Variants in PDE10A observed in about 807,000 individuals in gnomAD.
PDE10A encodes the protein phosphodiesterase 10A, also known as cAMP and cAMP-inhibited cGMP 3',5'-cyclic phosphodiesterase 10A.
Under a neutral mutation model 97.7 loss-of-function variants are expected in PDE10A, and 39 were observed. The ratio of observed to expected loss-of-function variants is 0.40; its 90% CI spans 0.31 to 0.52. PDE10A has a LOEUF of 0.52. Ranked by LOEUF, PDE10A falls within the 20% of genes least tolerant of loss-of-function variation. The pLI is 0.56. For missense variants in PDE10A, 731 were observed against 1,047.8 expected (o/e 0.70, Z 4.17); for synonymous variants, 371 against 376.8 (o/e 0.98, Z 0.18).
At position 165,798,048 on chromosome 6, in the gene PDE10A, G is replaced by A. The variant is rs142991312; in HGVS notation, c.-615+189481C>T. On this transcript the variant is annotated intron_variant, in intron 1 of 19. Transcript: ENST00000366882. ...TTTGTTTTCATTCAATTGAAGAAAT[G>A]TTTATTGAAGGGCTGCAGTGCGCTA... Among the ~76,000 whole-genome samples, 54 of 152,286 alleles carry A rather than the reference G, an allele frequency of 3.5e-4. No individual in the cohort carries two copies. In the East Asian group the frequency reaches 0.01, roughly 28 times the overall value.
At chr6:165,778,360 G>A (rs1425015527) in intron 1 of PDE10A, among the ~76,000 whole-genome samples, 4 of 152,118 alleles carry the variant, frequency 2.6e-5, no homozygotes, top group Admixed American at 2.0e-4. Flanking sequence ...GTGAGCCACC[G>A]CGCCTGGCCT....
At chr6:165,738,982 G>A (rs1260913356) in intron 1 of PDE10A, among the ~76,000 whole-genome samples, 1 of 152,296 alleles carries the variant, frequency 6.6e-6, no homozygotes, top group East Asian at 1.9e-4. Flanking sequence ...ATTGATAAAA[G>A]AAATGGGAGA....
chr6:165,799,438 A>T (rs1778920917), intron 1 of PDE10A, among the ~76,000 whole-genome samples: 1 of 147,058 alleles, frequency 6.8e-6, no homozygotes, highest in Non-Finnish European at 1.5e-5. Flanking sequence ...CCCCTCACCT[A>T]AAAAGCAAGT....
intron 1 of PDE10A, among the ~76,000 whole-genome samples, chr6:165,960,095 A>G (rs772401468): frequency 3.9e-5 from 6 of 152,222 alleles, no homozygotes; most frequent in Non-Finnish European, 5.9e-5. Flanking sequence ...ACAATTAAAC[A>G]TGGTCCACCT....
intron 3 of PDE10A, among the ~76,000 whole-genome samples, chr6:165,467,416 G>A (rs929554190): frequency 6.6e-5 from 10 of 152,156 alleles, no homozygotes; most frequent in African/African-American, 2.4e-4. Flanking sequence ...TCAAAGAACA[G>A]GTGACTCCCT....
Position 165,619,483 on chromosome 6 carries a change from T to G in PDE10A, c.865+42464A>C, listed in dbSNP as rs1222640510. 6.0e-5 allele frequency among the ~76,000 whole-genome samples: 9 copies of G among 149,402 alleles called. 1 individual carries two copies. Among genetic ancestry groups the G allele is most frequent in the African/African-American group, 2.1e-4 (8 of 38,968 alleles). On this transcript the variant is annotated intron_variant, in intron 1 of 21. Coordinates refer to ENST00000539869, the MANE Select transcript of PDE10A (RefSeq NM_001385079.1). ...TGTAGTCTAGTGTAGTGTAGTCTAG[T>G]GTAGTCTAGTGTAGTCTAGTGTAGT...
At chr6:165,511,634 T>C (rs1032011550) in intron 2 of PDE10A, among the ~76,000 whole-genome samples, 10 of 151,986 alleles carry the variant, frequency 6.6e-5, no homozygotes, top group African/African-American at 2.4e-4. Flanking sequence ...CCCACTCTCA[T>C]TGTATTGGAG....
At chr6:165,798,014 A>C (rs1778875368) in intron 1 of PDE10A, among the ~76,000 whole-genome samples, 1 of 152,204 alleles carries the variant, frequency 6.6e-6, no homozygotes, top group South Asian at 2.1e-4. Context: ...AAAGTTAGTA[A>C]TTTTGCCCTT....
intron 6 of PDE10A, 122 bp from the exon 7 acceptor site, chr6:165,433,251 A>C (rs1327896102): frequency 4.5e-6 from 3 of 670,532 alleles, no homozygotes; most frequent in Admixed American, 3.3e-5. Flanking sequence ...TTTTCAAAGG[A>C]AAACTAAATG....
intron 1 of PDE10A, among the ~76,000 whole-genome samples, chr6:165,887,807 A>G (rs1303298363): frequency 6.6e-6 from 1 of 152,214 alleles, no homozygotes; most frequent in Non-Finnish European, 1.5e-5. Flanking sequence ...CCATGCCTAC[A>G]TTCAGCCCTT....
chr6:165,655,528 C>T lies in PDE10A; in HGVS notation c.865+6419G>A, dbSNP rs1357639726. On this transcript the variant is annotated intron_variant, in intron 1 of 21. Coordinates refer to ENST00000539869, the MANE Select transcript of PDE10A (RefSeq NM_001385079.1). The surrounding 1 kb of genome is among the most constrained non-coding windows in gnomAD (Gnocchi z 4.5). Reference sequence around the variant, plus strand: ...CCAACCCACCTGCAGGTCTTATACACGCCACCTCCAAACACCTCCTGAACC... The same window carrying T: ...CCAACCCACCTGCAGGTCTTATACATGCCACCTCCAAACACCTCCTGAACC... 6.6e-6 allele frequency among the ~76,000 whole-genome samples: 1 copy of T among 152,056 alleles called. No individual in the cohort carries two copies. The highest frequency in any genetic ancestry group is 6.5e-5 in the Admixed American group (1 of 15,268).
intron 1 of PDE10A, among the ~76,000 whole-genome samples, chr6:165,893,214 A>G (rs1781851579): frequency 6.6e-6 from 1 of 152,256 alleles, no homozygotes; most frequent in African/African-American, 2.4e-5. Context: ...AAAATCAGGA[A>G]ATAAGCATCG....
intron 1 of PDE10A, among the ~76,000 whole-genome samples, chr6:165,976,920 G>C (rs182535202): frequency 6.6e-6 from 1 of 152,184 alleles, no homozygotes; most frequent in African/African-American, 2.4e-5. Context: ...CCTGTGCACC[G>C]GAAGCCTTGG....
chr6:165,841,057 T>G (rs1034253551), intron 1 of PDE10A, among the ~76,000 whole-genome samples: 18 of 152,252 alleles, frequency 1.2e-4, no homozygotes, highest in African/African-American at 4.3e-4. Flanking sequence ...TGACAAGCTC[T>G]CAGCATGGTA....
At position 165,396,304 on chromosome 6, in the gene PDE10A, G is replaced by GCA; in HGVS notation, c.2219+11_2219+12dup. 1 of 1,608,358 alleles carries GCA rather than the reference G, an allele frequency of 6.2e-7. No homozygotes were observed. The highest frequency in any genetic ancestry group is 1.1e-5 in the South Asian group (1 of 89,678). ...AATGGTTCCTGAAGAAACTGACAGA[G>GCA]CAACATACTTACAATTCAATTTCTT... On this transcript the variant is annotated intron_variant, in intron 14 of 21. Transcript: ENST00000539869.
Position 165,413,428 on chromosome 6 carries a change from T to C in PDE10A, c.2076+73A>G, listed in dbSNP as rs547151055. 103 of 1,071,612 alleles carry C rather than the reference T, an allele frequency of 9.6e-5. No individual in the cohort carries two copies. In the East Asian group the frequency reaches 2.5e-3, roughly 26 times the overall value. 66.4% of individuals were successfully genotyped at this position (1,071,612 alleles called of 1,614,324 possible). A position where few individuals can be genotyped will look rare whatever the true frequency, so the allele number is the denominator to read the frequency against. On this transcript the variant is annotated intron_variant, in intron 13 of 21. Transcript: ENST00000539869. ...ATATAAATGAAAAAAAAAAAGCCCTTAAGCTGCTTTATGAAAAAGATTCCA... is the reference window on the plus strand; with the variant it reads ...ATATAAATGAAAAAAAAAAAGCCCTCAAGCTGCTTTATGAAAAAGATTCCA...
At chr6:165,385,212 A>G (rs1446401083) in intron 17 of PDE10A, among the ~76,000 whole-genome samples, 1 of 152,102 alleles carries the variant, frequency 6.6e-6, no homozygotes, top group Non-Finnish European at 1.5e-5. Context: ...AGATAAAGCT[A>G]AAGAAGGGAA....
chr6:165,429,434 C>T (rs1789399731), intron 9 of PDE10A, among the ~76,000 whole-genome samples: 1 of 152,058 alleles, frequency 6.6e-6, no homozygotes, highest in Admixed American at 6.6e-5. Context: ...TTTTCAGTCC[C>T]ATACTTCTTT....
chr6:165,925,034 C>A (rs149059825), intron 1 of PDE10A, among the ~76,000 whole-genome samples: 58 of 152,260 alleles, frequency 3.8e-4, no homozygotes, highest in African/African-American at 1.3e-3. Flanking sequence ...GGTCTTGAAT[C>A]TAGAACCTAT....
Sources: allele counts gnomAD v4.1 joint callset (sites outside exome capture counted in the v4.1 genomes callset), GRCh38; gene constraint gnomAD v4.1.1; non-coding constraint Gnocchi (gnomAD v3.1); transcripts MANE v1.5; gene names NCBI Gene and HGNC (gene_info 2026-07-23, HGNC 2026-07-21).